Variants in VGLL3 observed in about 807,000 individuals in gnomAD.
The protein encoded by VGLL3 is transcription cofactor vestigial-like protein 3.
VGLL3 carries 18 observed loss-of-function variants against 29.2 expected under a neutral mutation model. The observed-to-expected ratio is 0.62, with a 90% CI of 0.43 to 0.91. VGLL3 has a LOEUF of 0.91. Among genes scored for constraint, VGLL3 ranks in the 40% least tolerant of loss-of-function variants. The pLI is 0.00. For synonymous variants in VGLL3, 180 were observed against 151.8 expected (o/e 1.19, Z -1.36); for missense variants, 440 against 413.2 (o/e 1.06, Z -0.56).
chr3:86,971,763 A>G (rs1348022028), intron 2 of VGLL3, among the ~76,000 whole-genome samples: 1 of 152,230 alleles, frequency 6.6e-6, no homozygotes, highest in Non-Finnish European at 1.5e-5. Context: ...TGTCATACCC[A>G]CAATGAAAGC....
At position 86,940,939 on chromosome 3, in the gene VGLL3, C is replaced by T. The variant is rs944242091; in HGVS notation, c.*6085G>A. 2 of 152,298 alleles carry T rather than the reference C, an allele frequency of 1.3e-5. No homozygotes were observed. The highest frequency in any genetic ancestry group is 4.8e-5 in the African/African-American group (2 of 41,404). The allele number at this position is 152,298 out of a possible 1,614,324, so 9.4% of individuals were successfully genotyped here. ...TAAGGTAGCACAACTTCTTGTAGAA[C>T]TAACAAGTCTGAAAGTTCATGGTAT... On this transcript the variant is annotated 3_prime_UTR_variant, in exon 4 of 4. Coordinates refer to ENST00000398399, the MANE Select transcript of VGLL3 (RefSeq NM_016206.4).
rs1031172624 is a variant in VGLL3 at position 86,946,434 on chromosome 3, T to C, written c.*590A>G. 1 of 152,146 alleles carries C rather than the reference T, an allele frequency of 6.6e-6. No individual in the cohort carries two copies. Among genetic ancestry groups the C allele is most frequent in the Non-Finnish European group, 1.5e-5 (1 of 68,022 alleles). 9.4% of individuals were successfully genotyped at this position (152,146 alleles called of 1,614,324 possible). ...GTAAGAAGGAAAAAAACAAAACATT[T>C]GAGGTAACCTAGAAAGCACAGACAG... On this transcript the variant is annotated 3_prime_UTR_variant, in exon 4 of 4. Transcript: ENST00000398399.
intron 3 of VGLL3, chr3:86,962,715 AC>A: frequency 1.3e-6 from 1 of 773,404 alleles, no homozygotes; most frequent in Non-Finnish European, 1.6e-6. Context: ...ACACACATTT[AC>A]TTAAAAATTT....
intron 3 of VGLL3, among the ~76,000 whole-genome samples, chr3:86,952,480 A>T (rs1704636071): frequency 6.6e-6 from 1 of 152,174 alleles, no homozygotes; most frequent in Admixed American, 6.6e-5. Context: ...TAAAAGAGGT[A>T]ACCATACAAT....
intron 1 of VGLL3, chr3:86,990,360 G>A (rs1411661277): frequency 1.0e-6 from 1 of 985,272 alleles, no homozygotes; most frequent in African/African-American, 1.7e-5. Flanking sequence ...GAGCTAGGGT[G>A]CCTAGGAGGA....
rs752986101 is a variant in VGLL3 at position 86,978,661 on chromosome 3, G to A, written c.268C>T (p.Leu90Phe). Residue 90 changes from leucine to phenylalanine, a missense_variant, in exon 2 of 4, where the codon CTT (leucine) becomes TTT (phenylalanine). Coordinates refer to ENST00000398399, the MANE Select transcript of VGLL3 (RefSeq NM_016206.4). ...EMEYLNSRCV[L>F]FTYFQGDIGS... ...ATGTCTCCCTGGAAATAAGTGAAAA[G>A]GACACAGCGAGAGTTAAGGTACTCC... 1 of 1,614,088 alleles carries A rather than the reference G, an allele frequency of 6.2e-7. No individual in the cohort carries two copies. Among genetic ancestry groups the A allele is most frequent in the Non-Finnish European group, 8.5e-7 (1 of 1,179,992 alleles).
intron 1 of VGLL3, among the ~76,000 whole-genome samples, chr3:86,985,132 C>G (rs1705410758): frequency 6.6e-6 from 1 of 152,142 alleles, no homozygotes; most frequent in African/African-American, 2.4e-5. Flanking sequence ...TCATCCAACT[C>G]TATATCTTAA....
At chr3:86,963,847 T>C (rs921926014) in intron 3 of VGLL3, among the ~76,000 whole-genome samples, 1 of 152,350 alleles carries the variant, frequency 6.6e-6, no homozygotes, top group Non-Finnish European at 1.5e-5. Flanking sequence ...AATCAGGCAG[T>C]CTGGCTTCAA....
At chr3:86,954,399 C>T (rs1378877748) in intron 3 of VGLL3, among the ~76,000 whole-genome samples, 1 of 152,130 alleles carries the variant, frequency 6.6e-6, no homozygotes, top group African/African-American at 2.4e-5. Flanking sequence ...TCTCTCAGTA[C>T]CCACCTCCCT....
At chr3:86,964,197 C>T (rs1704913446) in intron 3 of VGLL3, among the ~76,000 whole-genome samples, 1 of 152,186 alleles carries the variant, frequency 6.6e-6, no homozygotes, top group Admixed American at 6.5e-5. Flanking sequence ...TGGAACACAA[C>T]TATCTTCATA....
intron 3 of VGLL3, among the ~76,000 whole-genome samples, chr3:86,958,268 C>T (rs1358236800): frequency 6.6e-6 from 1 of 152,088 alleles, no homozygotes; most frequent in East Asian, 1.9e-4. Flanking sequence ...AGTAAGAATG[C>T]TCAGCCAAAG....
intron 2 of VGLL3, 77 bp downstream of exon 2, chr3:86,978,449 T>G: frequency 2.7e-6 from 4 of 1,502,950 alleles, no homozygotes; most frequent in Non-Finnish European, 3.6e-6. Context: ...CAGGGGCAAG[T>G]CTCCAGCTGG....
chr3:86,963,238 A>G (rs1475687256), intron 3 of VGLL3, among the ~76,000 whole-genome samples: 1 of 152,250 alleles, frequency 6.6e-6, no homozygotes, highest in African/African-American at 2.4e-5. Context: ...TATCCACCCA[A>G]TGAAATCGTA....
At chr3:86,987,314 T>A (rs149831919) in intron 1 of VGLL3, among the ~76,000 whole-genome samples, 1 of 152,176 alleles carries the variant, frequency 6.6e-6, no homozygotes, top group African/African-American at 2.4e-5. Flanking sequence ...CTTACAAAAC[T>A]TATAACTGAA....
chr3:86,981,113 T>A (rs988195364), intron 1 of VGLL3, among the ~76,000 whole-genome samples: 3 of 152,118 alleles, frequency 2.0e-5, no homozygotes, highest in Non-Finnish European at 4.4e-5. Flanking sequence ...TGAAATAAAA[T>A]TGAAGTTATA....
chr3:86,968,503 T>A, intron 3 of VGLL3, 87 bp downstream of exon 3: 1 of 1,431,150 alleles, frequency 7.0e-7, no homozygotes. Context: ...ACTTTACAGA[T>A]AAGAAAAAAT....
At chr3:86,961,880 C>T in intron 3 of VGLL3, 1 of 948,464 alleles carries the variant, frequency 1.1e-6, no homozygotes, top group Non-Finnish European at 1.3e-6. Flanking sequence ...ATCAGAAAAG[C>T]AGAGTGAAAC....
intron 1 of VGLL3, among the ~76,000 whole-genome samples, chr3:86,987,828 G>A (rs529332036): frequency 6.6e-6 from 1 of 152,260 alleles, no homozygotes; most frequent in South Asian, 2.1e-4. Context: ...AGTTAACTAG[G>A]TTTTTAAAAT....
chr3:86,976,657 A>G (rs898902324), intron 2 of VGLL3, among the ~76,000 whole-genome samples: 1 of 152,254 alleles, frequency 6.6e-6, no homozygotes, highest in African/African-American at 2.4e-5. Context: ...TGCAAATTAC[A>G]GAGAAAATGC....
Sources: gnomAD v4.1 joint callset for allele counts (sites outside exome capture counted in the v4.1 genomes callset) on GRCh38, gnomAD v4.1.1 for gene constraint, MANE v1.5 for transcripts, NCBI Gene and HGNC (gene_info 2026-07-23, HGNC 2026-07-21) for gene names.